SMARCC1: variants seen among roughly 807,000 people sequenced by gnomAD.
SMARCC1 encodes SWI/SNF related BAF chromatin remodeling complex subunit C1, also known as SWI/SNF complex subunit SMARCC1.
SMARCC1 carries 43 observed loss-of-function variants against 147.4 expected under a neutral mutation model. That is an observed-to-expected ratio of 0.29 (90% CI 0.23 to 0.38). The LOEUF (loss-of-function observed/expected upper bound fraction) is 0.38, where lower values mean the gene tolerates loss of function less well. SMARCC1 is among the 10% of genes least tolerant of loss of function. The pLI is 1.00. For missense variants in SMARCC1, 1,119 were observed against 1,381.1 expected (o/e 0.81, Z 3.01); for synonymous variants, 495 against 484.4 (o/e 1.02, Z -0.29).
At chr3:47,720,158 C>T (rs1044947318) in intron 7 of SMARCC1, among the ~76,000 whole-genome samples, 2 of 152,146 alleles carry the variant, frequency 1.3e-5, no homozygotes, top group African/African-American at 2.4e-5. Flanking sequence ...GAGTCTCACT[C>T]CGTTGCCCAG....
rs975502427 is a variant in SMARCC1, at chr3:47,736,090, G to C, written c.520C>G (p.Pro174Ala). ...TTAGCCAACTTCAGATCAATGTCTG[G>C]AATGAGGTAGATGTTGGGTCTGGTC... ...CLTRPNIYLI[P>A]DIDLKLANKL... Residue 174 changes from proline to alanine, a missense_variant, in exon 5 of 28, where the codon CCA becomes GCA. Pro to Ala is a conservative substitution (Grantham distance 27). This residue lies in a region of SMARCC1 where 542 missense variants were observed against 611.8 expected (regional missense o/e 0.89). Transcript: ENST00000254480. 1.2e-6 allele frequency: 2 copies of C among 1,600,024 alleles called. No homozygotes were observed. The highest frequency in any genetic ancestry group is 1.7e-6 in the Non-Finnish European group (2 of 1,173,066).
At position 47,662,359 on chromosome 3, in the gene SMARCC1, T is replaced by C; in HGVS notation, c.2133A>G (p.Ala711=). ...FLASVVDPRV[A]SAAAKAALEE... ...CCAAAGCCGCTTTTGCTGCAGCAGA[T>C]GCCACGCGAGGGTCCACCACAGATG... Residue 711 remains alanine (A), a synonymous_variant, in exon 20 of 28, where the codon GCA becomes GCG. Coordinates refer to ENST00000254480, the MANE Select transcript of SMARCC1 (RefSeq NM_003074.4). 2 of 1,614,120 alleles carry C rather than the reference T, an allele frequency of 1.2e-6. No homozygotes were observed. Among genetic ancestry groups the C allele is most frequent in the African/African-American group, 1.3e-5 (1 of 75,048 alleles).
chr3:47,741,100 A>G (rs1260615066), intron 3 of SMARCC1, among the ~76,000 whole-genome samples: 1 of 152,106 alleles, frequency 6.6e-6, no homozygotes, highest in Non-Finnish European at 1.5e-5. Flanking sequence ...CAAGAAATTT[A>G]GAAGACCATG....
intron 17 of SMARCC1, among the ~76,000 whole-genome samples, chr3:47,675,903 C>T (rs568082973): frequency 1.3e-5 from 2 of 151,770 alleles, no homozygotes; most frequent in African/African-American, 4.8e-5. Flanking sequence ...CAAGATCATG[C>T]CACTGCACTC....
intron 26 of SMARCC1, among the ~76,000 whole-genome samples, chr3:47,598,379 C>T (rs1374015756): frequency 6.6e-6 from 1 of 152,070 alleles, no homozygotes; most frequent in Non-Finnish European, 1.5e-5. Context: ...ATAATGCTGC[C>T]CATGTTTATC....
rs754486290 is a variant in SMARCC1, at chr3:47,772,771, T to C, written c.315+46A>G. On this transcript the variant is annotated intron_variant, in intron 2 of 27. Transcript: ENST00000254480. ...AAGCTGGATGCTACACCTAAAAGTA[T>C]ACAGCAACTGAGGATGCCCAAATAA... 7.1e-6 allele frequency: 11 copies of C among 1,549,182 alleles called. No homozygotes were observed. The African/African-American group carries it at 9.6e-5, about 14-fold the overall frequency.
chr3:47,760,548 G>C (rs2034761561), intron 2 of SMARCC1, among the ~76,000 whole-genome samples: 1 of 151,992 alleles, frequency 6.6e-6, no homozygotes, highest in Admixed American at 6.6e-5. Flanking sequence ...TGTAATCCCA[G>C]CTACTGGGGA....
intron 7 of SMARCC1, among the ~76,000 whole-genome samples, chr3:47,717,545 T>C (rs767744098): frequency 6.6e-6 from 1 of 152,230 alleles, no homozygotes; most frequent in Non-Finnish European, 1.5e-5. Flanking sequence ...TGTCATTTAA[T>C]TGACAACATT....
At chr3:47,626,730 T>C (rs531719211) in intron 24 of SMARCC1, among the ~76,000 whole-genome samples, 2 of 152,292 alleles carry the variant, frequency 1.3e-5, no homozygotes, top group South Asian at 2.1e-4. Context: ...CCTTGCCCAA[T>C]AAAAATTAGT....
Position 47,661,405 on chromosome 3 carries a change from G to A in SMARCC1, c.2209C>T (p.His737Tyr). ...GCTGCTTCTTGTACTTTCTTGACAT[G>A]AGCTTCAACCAATTCCAGTGGTACC... ...EEVPLELVEA[H>Y]VKKVQEAARA... is the part of the protein sequence containing the mutation. The change falls in exon 21 of 28, where the codon CAT becomes TAT. Residue 737 changes from histidine (H) to tyrosine (Y), a missense_variant. This residue lies in a region of SMARCC1 where 157 missense variants were observed against 158.6 expected (regional missense o/e 0.99). Transcript: ENST00000254480. The A allele has an allele frequency of 6.2e-7, 1 of 1,613,572 alleles. No individual in the cohort carries two copies. The highest frequency in any genetic ancestry group is 8.5e-7 in the Non-Finnish European group (1 of 1,179,844).
chr3:47,743,812 CAAA>C (rs35760519), intron 3 of SMARCC1, among the ~76,000 whole-genome samples: 1 of 76,146 alleles, frequency 1.3e-5, no homozygotes, highest in Admixed American at 1.5e-4. Context: ...GACTATGTCT[CAAA>C]AAAAAAAAAA....
chr3:47,668,368 C>T (rs1053406404), intron 19 of SMARCC1, among the ~76,000 whole-genome samples: 2 of 152,092 alleles, frequency 1.3e-5, no homozygotes, highest in African/African-American at 2.4e-5. Flanking sequence ...CTTTTTAAAA[C>T]GTTAATATAA....
intron 6 of SMARCC1, among the ~76,000 whole-genome samples, chr3:47,722,742 T>C (rs547870447): frequency 3.3e-5 from 5 of 152,324 alleles, no homozygotes; most frequent in African/African-American, 9.6e-5. Context: ...TATAGAAGTA[T>C]GGCTGAATGA....
At position 47,736,018 on chromosome 3, in the gene SMARCC1, T is replaced by C; in HGVS notation, c.576+16A>G. 8.0e-7 allele frequency: 1 copy of C among 1,249,646 alleles called. No individual in the cohort carries two copies. Among genetic ancestry groups the C allele is most frequent in the Non-Finnish European group, 1.1e-6 (1 of 870,914 alleles). The allele number at this position is 1,249,646 out of a possible 1,614,324, so 77.4% of individuals were successfully genotyped here. On this transcript the variant is annotated intron_variant, in intron 5 of 27. Transcript: ENST00000254480. The stretch of plus-strand genomic sequence containing the variant: ...TGATCGTGTCTATTATTATCTGAAG[T>C]GATTGTGTCTATTACCTGATGTCGT...
intron 6 of SMARCC1, among the ~76,000 whole-genome samples, chr3:47,722,972 G>C (rs946821168): frequency 6.6e-6 from 1 of 152,172 alleles, no homozygotes; most frequent in African/African-American, 2.4e-5. Flanking sequence ...CTGAATAATT[G>C]CAAGAAACAC....
intron 4 of SMARCC1, among the ~76,000 whole-genome samples, chr3:47,737,784 T>C (rs912510207): frequency 4.6e-5 from 7 of 151,406 alleles, no homozygotes; most frequent in African/African-American, 1.5e-4. Context: ...GCCACCAGAG[T>C]AGCTGGGACT....
At chr3:47,728,078 CTTTTTTTTTTTTT>C (rs1166964500) in intron 6 of SMARCC1, among the ~76,000 whole-genome samples, 4 of 56,860 alleles carry the variant, frequency 7.0e-5, no homozygotes, top group Non-Finnish European at 1.2e-4. Flanking sequence ...TTATTAGTCC[CTTTTTTTTTTTTT>C]TTTTTTTTTT....
intron 3 of SMARCC1, 73 bp from the exon 4 acceptor site, chr3:47,738,183 C>A: frequency 2.2e-6 from 2 of 908,606 alleles, no homozygotes; most frequent in African/African-American, 1.7e-5. Context: ...TTTTAGAATT[C>A]GATGCAAATG....
chr3:47,672,082 T>C (rs1269939331), intron 18 of SMARCC1, among the ~76,000 whole-genome samples: 2 of 152,238 alleles, frequency 1.3e-5, no homozygotes, highest in Non-Finnish European at 2.9e-5. Context: ...TAAGTAGTCT[T>C]TGAACTAAAG....
Sources: gnomAD v4.1 joint callset for allele counts (sites outside exome capture counted in the v4.1 genomes callset) on GRCh38, gnomAD v4.1.1 for gene constraint, gnomAD v4.1.1 regional missense constraint, MANE v1.5 for transcripts, NCBI Gene and HGNC (gene_info 2026-07-23, HGNC 2026-07-21) for gene names.